Variants in CYP2C19 observed in about 807,000 individuals in gnomAD.
CYP2C19 encodes cytochrome P450 2C19.
CYP2C19 carries 59 observed loss-of-function variants against 40.9 expected under a neutral mutation model. The observed-to-expected ratio is 1.44, with a 90% CI of 1.17 to 1.79. The LOEUF (loss-of-function observed/expected upper bound fraction) is 1.79, where lower values mean the gene tolerates loss of function less well. CYP2C19 is among the 40% of genes most tolerant of loss of function. The pLI is 0.00. For synonymous variants in CYP2C19, 253 were observed against 208.7 expected (o/e 1.21, Z -1.83); for missense variants, 754 against 596.9 (o/e 1.26, Z -2.74).
At chr10:94,830,819 G>A (rs1161715331) in intron 6 of CYP2C19, among the ~76,000 whole-genome samples, 1 of 152,108 alleles carries the variant, frequency 6.6e-6, no homozygotes, top group Non-Finnish European at 1.5e-5. Flanking sequence ...GGGTACAGGA[G>A]ATGTTTTGAT....
intron 5 of CYP2C19, among the ~76,000 whole-genome samples, chr10:94,790,819 T>A (rs1848595800): frequency 6.6e-6 from 1 of 152,134 alleles, no homozygotes; most frequent in African/African-American, 2.4e-5. Flanking sequence ...GGGATATTGG[T>A]CTAAAATTCT....
At chr10:94,851,503 A>C (rs543191208) in intron 8 of CYP2C19, among the ~76,000 whole-genome samples, 7 of 152,040 alleles carry the variant, frequency 4.6e-5, no homozygotes, top group African/African-American at 1.7e-4. Flanking sequence ...AGAAATAAGA[A>C]ATTATGATTC....
intron 5 of CYP2C19, among the ~76,000 whole-genome samples, chr10:94,795,167 C>T (rs918781392): frequency 5.9e-5 from 7 of 119,608 alleles, no homozygotes; most frequent in East Asian, 2.7e-4. Flanking sequence ...CCCCACCCCA[C>T]GACAGGCCCC....
intron 6 of CYP2C19, among the ~76,000 whole-genome samples, chr10:94,825,839 G>T (rs1437765062): frequency 1.4e-3 from 203 of 148,466 alleles, no homozygotes; most frequent in African/African-American, 4.8e-3. Context: ...TTTGTATAAG[G>T]TGTAAGGAAG....
chr10:94,764,733 G>C (rs933992303), intron 1 of CYP2C19, among the ~76,000 whole-genome samples: 1 of 152,124 alleles, frequency 6.6e-6, no homozygotes, highest in Non-Finnish European at 1.5e-5. Context: ...GGTTCCATTT[G>C]TAAGACCATC....
At chr10:94,807,022 T>G (rs77635509) in intron 5 of CYP2C19, among the ~76,000 whole-genome samples, 7,247 of 152,250 alleles carry the variant, frequency 0.048, 235 homozygotes, top group South Asian at 0.11. Flanking sequence ...GTTTTGTATC[T>G]GTTAACCAAC....
chr10:94,841,013 A>C (rs990372509), intron 6 of CYP2C19, among the ~76,000 whole-genome samples: 5 of 152,158 alleles, frequency 3.3e-5, no homozygotes, highest in Non-Finnish European at 7.3e-5. Flanking sequence ...AAATGTTACC[A>C]AGGGGGTCCT....
At position 94,775,481 on chromosome 10, in the gene CYP2C19, T is replaced by C. The variant is rs1380656490; in HGVS notation, c.423T>C (p.Ile141=). The C allele has an allele frequency of 1.2e-6, 2 of 1,613,990 alleles. No individual in the cohort carries two copies. The highest frequency in any genetic ancestry group is 1.7e-6 in the Non-Finnish European group (2 of 1,179,964). The part of the protein sequence containing the change: ...LRNFGMGKRS[I]EDRVQEEARC... ...ATTTTGGGATGGGGAAGAGGAGCAT[T>C]GAGGACCGTGTTCAAGAGGAAGCCC... Residue 141 remains isoleucine (I), a synonymous_variant, in exon 3 of 9, where the codon ATT becomes ATC. Coordinates refer to ENST00000371321, the MANE Select transcript of CYP2C19 (RefSeq NM_000769.4).
At chr10:94,837,030 G>A (rs1849415172) in intron 6 of CYP2C19, among the ~76,000 whole-genome samples, 1 of 148,916 alleles carries the variant, frequency 6.7e-6, no homozygotes, top group South Asian at 2.3e-4. Context: ...TGAGAGTCAG[G>A]ATGTACAGGG....
chr10:94,808,258 G>T (rs1848862792), intron 5 of CYP2C19, among the ~76,000 whole-genome samples: 1 of 151,422 alleles, frequency 6.6e-6, no homozygotes. Context: ...TGTTATTTTA[G>T]ATATTATAGA....
Position 94,781,834 on chromosome 10 carries a change from T to A in CYP2C19, c.656T>A (p.Phe219Tyr), listed in dbSNP as rs753510310. ...GTTTTCTCTTAGATATGCAATAATTTTCCCACTATCATTGATTATTTCCCG... is the reference window on the plus strand; with the variant it reads ...GTTTTCTCTTAGATATGCAATAATTATCCCACTATCATTGATTATTTCCCG... ...STPWIQICNN[F>Y]PTIIDYFPGT... Residue 219 changes from phenylalanine (F) to tyrosine (Y), a missense_variant, in exon 5 of 9, where the codon TTT (phenylalanine) becomes TAT (tyrosine). Coordinates refer to ENST00000371321, the MANE Select transcript of CYP2C19 (RefSeq NM_000769.4). The A allele has an allele frequency of 6.9e-7, 1 of 1,447,792 alleles. No homozygotes were observed. Among genetic ancestry groups the A allele is most frequent in the Admixed American group, 2.9e-5 (1 of 34,728 alleles). The allele number at this position is 1,447,792 out of a possible 1,614,324, so 89.7% of individuals were successfully genotyped here.
At chr10:94,842,739 G>C in intron 6 of CYP2C19, 98 bp from the exon 7 acceptor site, 1 of 1,313,512 alleles carries the variant, frequency 7.6e-7, no homozygotes, top group South Asian at 1.2e-5. Flanking sequence ...TTATTATGAT[G>C]TTTGGATACC....
intron 6 of CYP2C19, among the ~76,000 whole-genome samples, chr10:94,829,548 A>G (rs1849293336): frequency 6.6e-6 from 1 of 152,092 alleles, no homozygotes; most frequent in African/African-American, 2.4e-5. Flanking sequence ...TTCTAGTTAT[A>G]CCTTCTTCTA....
intron 1 of CYP2C19, among the ~76,000 whole-genome samples, chr10:94,763,481 A>G (rs888762507): frequency 2.6e-5 from 4 of 152,170 alleles, no homozygotes; most frequent in Admixed American, 6.5e-5. Flanking sequence ...TAGAAGATGT[A>G]TAAGCATTAC....
chr10:94,770,033 T>G (rs183708409), intron 1 of CYP2C19, among the ~76,000 whole-genome samples: 71 of 152,126 alleles, frequency 4.7e-4, no homozygotes, highest in Non-Finnish European at 9.0e-4. Flanking sequence ...GTCCCAGGAT[T>G]TCTCAGATGG....
intron 5 of CYP2C19, among the ~76,000 whole-genome samples, chr10:94,811,556 T>C (rs1333352704): frequency 6.6e-6 from 1 of 152,204 alleles, no homozygotes; most frequent in Admixed American, 6.5e-5. Context: ...TTTATGAATC[T>C]GGGTGCTCCT....
chr10:94,782,461 C>A (rs943649397), intron 5 of CYP2C19, among the ~76,000 whole-genome samples: 2 of 152,072 alleles, frequency 1.3e-5, no homozygotes, highest in African/African-American at 4.8e-5. Flanking sequence ...CAGGATATAA[C>A]AGATGCTGAA....
chr10:94,847,149 C>T (rs947432322), intron 7 of CYP2C19, among the ~76,000 whole-genome samples: 1 of 151,898 alleles, frequency 6.6e-6, no homozygotes, highest in East Asian at 1.9e-4. Flanking sequence ...CAAATGTATA[C>T]ATGTGCCATG....
At chr10:94,794,169 A>G (rs751337346) in intron 5 of CYP2C19, among the ~76,000 whole-genome samples, 1 of 152,154 alleles carries the variant, frequency 6.6e-6, no homozygotes, top group Non-Finnish European at 1.5e-5. Context: ...CACGCATGGG[A>G]TATAATCTCC....
Sources: gnomAD v4.1 joint callset for allele counts (sites outside exome capture counted in the v4.1 genomes callset) on GRCh38, gnomAD v4.1.1 for gene constraint, MANE v1.5 for transcripts, NCBI Gene and HGNC (gene_info 2026-07-23, HGNC 2026-07-21) for gene names.